GABRA2: variants seen among roughly 807,000 people sequenced by gnomAD.
The protein encoded by GABRA2 is gamma-aminobutyric acid receptor subunit alpha-2.
Under a neutral mutation model 48.7 loss-of-function variants are expected in GABRA2, and 16 were observed. The observed-to-expected ratio is 0.33, with a 90% CI of 0.22 to 0.50. The LOEUF is 0.50. Ranked by LOEUF, GABRA2 falls within the 20% of genes least tolerant of loss-of-function variation. The probability of loss-of-function intolerance (pLI) is 0.98; values close to 1 mark genes in which losing one functional copy is unlikely to be tolerated. For missense variants in GABRA2, 275 were observed against 535.6 expected, an observed-to-expected ratio of 0.51 and a Z score of 4.80; for synonymous variants, 185 against 184.5, an observed-to-expected ratio of 1.00 and a Z score of -0.02.
intron 3 of GABRA2, among the ~76,000 whole-genome samples, chr4:46,382,029 G>T (rs1250289165): frequency 6.6e-6 from 1 of 152,054 alleles, no homozygotes; most frequent in Admixed American, 6.6e-5. Context: ...CTATGTGCCA[G>T]GCACGGTTCT....
intron 3 of GABRA2, among the ~76,000 whole-genome samples, chr4:46,339,557 T>G (rs561983479): frequency 1.3e-5 from 2 of 151,892 alleles, no homozygotes; most frequent in African/African-American, 4.8e-5. Context: ...AAGCTTATTA[T>G]AGCCTAACAA....
At chr4:46,282,174 A>G (rs1339894194) in intron 8 of GABRA2, among the ~76,000 whole-genome samples, 3 of 152,082 alleles carry the variant, frequency 2.0e-5, no homozygotes, top group Non-Finnish European at 4.4e-5. Context: ...TCTAATGACA[A>G]CCTCTTATTC....
intron 9 of GABRA2, among the ~76,000 whole-genome samples, chr4:46,259,957 G>A (rs954485563): frequency 4.0e-5 from 6 of 151,724 alleles, no homozygotes; most frequent in African/African-American, 1.5e-4. Context: ...CTGAAGGTAG[G>A]TTTATGAAAC....
chr4:46,301,085 T>C (rs1197430877), intron 8 of GABRA2, among the ~76,000 whole-genome samples: 1 of 152,148 alleles, frequency 6.6e-6, no homozygotes, highest in Non-Finnish European at 1.5e-5. Context: ...ATGTATTGTC[T>C]TCTTAAAATT....
rs765996870 is a variant in GABRA2 at position 46,250,371 on chromosome 4, G to A, written c.1293C>T (p.Thr431=). The stretch of plus-strand genomic sequence containing the variant: ...ATGTAGCCCAGTAAACTAAATTAAA[G>A]GTACCAAACAAAACTGGAAAAACTA... The part of the protein sequence containing the change: ...SRIVFPVLFG[T]FNLVYWATYL... Residue 431 remains threonine (T), a synonymous_variant, in exon 10 of 10, where the codon ACC becomes ACT. Transcript: ENST00000381620. 6.2e-7 allele frequency: 1 copy of A among 1,611,418 alleles called. No individual in the cohort carries two copies. The highest frequency in any genetic ancestry group is 1.7e-5 in the Admixed American group (1 of 59,702).
chr4:46,367,140 A>G (rs1360989760), intron 3 of GABRA2: 2 of 152,118 alleles, frequency 1.3e-5, no homozygotes, highest in African/African-American at 4.8e-5. Flanking sequence ...CAGCAGACCA[A>G]TTTAACCCAT....
At chr4:46,314,058 T>C (rs571303328) in intron 4 of GABRA2, among the ~76,000 whole-genome samples, 2 of 152,216 alleles carry the variant, frequency 1.3e-5, no homozygotes, top group East Asian at 3.9e-4. Flanking sequence ...CTTAAGGGAA[T>C]ATTCTATAAC....
intron 8 of GABRA2, among the ~76,000 whole-genome samples, chr4:46,266,375 T>C (rs1718227203): frequency 6.7e-6 from 1 of 148,706 alleles, no homozygotes; most frequent in South Asian, 2.1e-4. Context: ...AATTTTATAT[T>C]TACTTTTTAA....
chr4:46,356,513 C>T (rs1286166132), intron 3 of GABRA2, among the ~76,000 whole-genome samples: 1 of 151,446 alleles, frequency 6.6e-6, no homozygotes, highest in Non-Finnish European at 1.5e-5. Context: ...TGATGTTTAT[C>T]AAGCAATTAC....
intron 2 of GABRA2, among the ~76,000 whole-genome samples, chr4:46,387,244 G>A (rs1717586169): frequency 6.6e-6 from 1 of 152,082 alleles, no homozygotes; most frequent in South Asian, 2.1e-4. Flanking sequence ...GTTAAACACT[G>A]AGATTTTCAA....
intron 3 of GABRA2, among the ~76,000 whole-genome samples, chr4:46,346,295 T>C (rs1734129936): frequency 6.6e-6 from 1 of 151,754 alleles, no homozygotes; most frequent in South Asian, 2.1e-4. Flanking sequence ...AGTATCCTAC[T>C]CCCAGTAGGC....
chr4:46,258,276 T>C (rs1056235181), intron 9 of GABRA2, among the ~76,000 whole-genome samples: 2 of 151,784 alleles, frequency 1.3e-5, no homozygotes, highest in Non-Finnish European at 2.9e-5. Flanking sequence ...GTCATTGTCA[T>C]GATCAGTGAA....
intron 3 of GABRA2, among the ~76,000 whole-genome samples, chr4:46,350,830 G>A (rs1734995581): frequency 6.6e-6 from 1 of 151,778 alleles, no homozygotes; most frequent in African/African-American, 2.4e-5. Flanking sequence ...CATAGTCATG[G>A]AGGAAAAAGA....
At chr4:46,359,607 A>G (rs1458685317) in intron 3 of GABRA2, among the ~76,000 whole-genome samples, 3 of 152,114 alleles carry the variant, frequency 2.0e-5, no homozygotes, top group African/African-American at 7.2e-5. Context: ...CCTTCAAGAG[A>G]GAAGGTAATT....
chr4:46,294,595 C>T (rs558533405), intron 8 of GABRA2, among the ~76,000 whole-genome samples: 1 of 152,314 alleles, frequency 6.6e-6, no homozygotes, highest in African/African-American at 2.4e-5. Flanking sequence ...CCACTTGGGC[C>T]ATATGACCTA....
intron 3 of GABRA2, among the ~76,000 whole-genome samples, chr4:46,348,495 A>G (rs2109892519): frequency 6.6e-6 from 1 of 152,146 alleles, no homozygotes; most frequent in African/African-American, 2.4e-5. Flanking sequence ...TTGTGGCACT[A>G]TTCACAATAG....
chr4:46,381,371 T>C (rs1342198435), intron 3 of GABRA2, among the ~76,000 whole-genome samples: 5 of 152,186 alleles, frequency 3.3e-5, no homozygotes, highest in Admixed American at 1.3e-4. Context: ...AGAGAAGACT[T>C]GATACAGTTA....
chr4:46,315,781 G>C (rs927871421), intron 4 of GABRA2, among the ~76,000 whole-genome samples: 1 of 151,756 alleles, frequency 6.6e-6, no homozygotes, highest in African/African-American at 2.4e-5. Flanking sequence ...CAAACACCTT[G>C]TAACCATCAC....
chr4:46,274,328 A>G (rs978336512), intron 8 of GABRA2, among the ~76,000 whole-genome samples: 2 of 152,110 alleles, frequency 1.3e-5, no homozygotes, highest in African/African-American at 4.8e-5. Flanking sequence ...CTGCTAAATT[A>G]TATTGCTGAA....
Sources: allele counts gnomAD v4.1 joint callset (sites outside exome capture counted in the v4.1 genomes callset), GRCh38; gene constraint gnomAD v4.1.1; transcripts MANE v1.5; gene names NCBI Gene and HGNC (gene_info 2026-07-23, HGNC 2026-07-21).